LAMB1: variants seen among roughly 807,000 people sequenced by gnomAD.
The protein encoded by LAMB1 is laminin subunit beta-1.
A neutral mutation model predicts 222.3 loss-of-function variants in LAMB1; 121 were observed. That is an observed-to-expected ratio of 0.54 (90% confidence interval 0.47 to 0.63). The LOEUF is 0.63. Among genes scored for constraint, LAMB1 ranks in the 30% least tolerant of loss-of-function variants. The pLI, the probability that LAMB1 is intolerant of heterozygous loss-of-function variation, is 0.00. For synonymous variants in LAMB1, 794 were observed against 807.2 expected, an observed-to-expected ratio of 0.98 and a Z score of 0.28; for missense variants, 2,172 against 2,240.8, an observed-to-expected ratio of 0.97 and a Z score of 0.62.
intron 7 of LAMB1, among the ~76,000 whole-genome samples, chr7:107,982,455 A>G (rs1373063194): frequency 6.6e-6 from 1 of 152,244 alleles, no homozygotes. Context: ...AGAAAGGAAA[A>G]GTCCATGTGT....
rs1415810707 is a variant in LAMB1, at chr7:107,976,971, C to CT, written c.1000+1075dup. 1.6e-5 allele frequency among the ~76,000 whole-genome samples: 2 copies of CT among 126,368 alleles called. 1 individual carries two copies. Among genetic ancestry groups the CT allele is most frequent in the African/African-American group, 6.5e-5 (2 of 30,800 alleles). The allele number at this position is 126,368 out of a possible 152,430, so 82.9% of individuals were successfully genotyped here. A position where few individuals can be genotyped will look rare whatever the true frequency, so the allele number is the denominator to read the frequency against. On this transcript the variant is annotated intron_variant, in intron 9 of 33. Transcript: ENST00000222399. ...TCCCTCCTTCCTTCCTTTCCTCTCC[C>CT]TCCTTCCTTCCTTTCCTCTTCCTCC...
chr7:107,985,666 AT>A (rs1224820869), intron 7 of LAMB1, among the ~76,000 whole-genome samples: 1 of 144,018 alleles, frequency 6.9e-6, no homozygotes, highest in Non-Finnish European at 1.5e-5. Context: ...CAAACAAAAA[AT>A]TTTATTTGGG....
chr7:107,947,646 A>G (rs1388478718), intron 24 of LAMB1, among the ~76,000 whole-genome samples: 1 of 152,204 alleles, frequency 6.6e-6, no homozygotes, highest in African/African-American at 2.4e-5. Context: ...GCTGGCCATG[A>G]ATCAATCCCC....
At chr7:107,980,557 C>T (rs2033951781) in intron 8 of LAMB1, 52 bp downstream of exon 8, 1 of 1,444,744 alleles carries the variant, frequency 6.9e-7, no homozygotes, top group African/African-American at 1.4e-5. Flanking sequence ...CTTCACTTTG[C>T]ATTTTATTAC....
In LAMB1 at chr7:107,923,824, T is replaced by TTAAC. The variant is rs1477341435; in HGVS notation, c.*123_*126dup. On this transcript the variant is annotated 3_prime_UTR_variant, in exon 34 of 34. Coordinates refer to ENST00000222399, the MANE Select transcript of LAMB1 (RefSeq NM_002291.3). Reference sequence around the variant, plus strand: ...TATATACAAAAGCACTGTACTTTATTTAACTCCATACAAAATGTGATTAAA... The same window carrying TTAAC: ...TATATACAAAAGCACTGTACTTTATTTAACTAACTCCATACAAAATGTGATTAAA... 2.3e-6 allele frequency: 2 copies of TTAAC among 882,416 alleles called. No homozygotes were observed. Among genetic ancestry groups the TTAAC allele is most frequent in the East Asian group, 2.7e-5 (1 of 36,420 alleles). The allele number at this position is 882,416 out of a possible 1,614,324, so 54.7% of individuals were successfully genotyped here.
At chr7:107,986,532 C>T (rs1269557822) in intron 5 of LAMB1, among the ~76,000 whole-genome samples, 169 bp from the exon 6 acceptor site, 2 of 152,182 alleles carry the variant, frequency 1.3e-5, no homozygotes, top group East Asian at 1.9e-4. Flanking sequence ...TCCACAGAGA[C>T]TCTTCTTGCA....
intron 24 of LAMB1, among the ~76,000 whole-genome samples, chr7:107,950,175 A>G (rs1445694687): frequency 6.6e-6 from 1 of 152,156 alleles, no homozygotes; most frequent in Non-Finnish European, 1.5e-5. Context: ...GGTTGCAGTA[A>G]GCCGAGATTA....
intron 22 of LAMB1, 119 bp from the exon 23 acceptor site, chr7:107,952,342 G>C (rs921061288): frequency 1.4e-6 from 1 of 724,860 alleles, no homozygotes; most frequent in Non-Finnish European, 2.2e-6. Context: ...GAAATGCAAA[G>C]AAGGAAAGAA....
chr7:107,992,645 C>T (rs2034206659), intron 5 of LAMB1, among the ~76,000 whole-genome samples: 1 of 152,192 alleles, frequency 6.6e-6, no homozygotes, highest in Non-Finnish European at 1.5e-5. Context: ...CCTGTAATCC[C>T]AGCACTTTGG....
intron 18 of LAMB1, 45 bp downstream of exon 18, chr7:107,960,400 C>CA: frequency 6.7e-7 from 1 of 1,492,732 alleles, no homozygotes; most frequent in Non-Finnish European, 9.3e-7. Context: ...CAGATATACT[C>CA]AGAGCCAGAA....
At chr7:107,976,013 G>A (rs1330887296) in intron 9 of LAMB1, 136 bp from the exon 10 acceptor site, 4 of 666,602 alleles carry the variant, frequency 6.0e-6, no homozygotes, top group African/African-American at 1.8e-5. Flanking sequence ...GGACTCCTGG[G>A]GAAAAAGGAC....
Position 107,986,239 on chromosome 7 carries a change from T to A in LAMB1, c.548A>T (p.Lys183Ile). 6.2e-7 allele frequency: 1 copy of A among 1,614,188 alleles called. No individual in the cohort carries two copies. The highest frequency in any genetic ancestry group is 8.5e-7 in the Non-Finnish European group (1 of 1,180,028). ...ATCACAAATTATGTCATCGACTTTTTTCATGGGGCCAGTTGAAATGCCTGG... is the reference window on the plus strand; with the variant it reads ...ATCACAAATTATGTCATCGACTTTTATCATGGGGCCAGTTGAAATGCCTGG... Reference protein sequence around the residue: ...SFPGISTGPMKKVDDIICDSR... With the variant: ...SFPGISTGPMIKVDDIICDSR... Residue 183 changes from lysine to isoleucine, a missense_variant, in exon 6 of 34, where the codon AAA (lysine) becomes ATA (isoleucine). Transcript: ENST00000222399.
intron 18 of LAMB1, 43 bp downstream of exon 18, chr7:107,960,401 AG>A (rs1357016337): frequency 6.7e-7 from 1 of 1,495,486 alleles, no homozygotes; most frequent in African/African-American, 1.4e-5. Flanking sequence ...AGATATACTC[AG>A]AGCCAGAAAC....
chr7:107,923,995 T>G lies in LAMB1; in HGVS notation c.5317A>C (p.Lys1773Gln), dbSNP rs1484316951. 6.2e-7 allele frequency: 1 copy of G among 1,607,160 alleles called. No homozygotes were observed. Among genetic ancestry groups the G allele is most frequent in the South Asian group, 1.1e-5 (1 of 89,288 alleles). Residue 1773 changes from lysine to glutamine, a missense_variant, in exon 34 of 34, where the codon AAG (lysine) becomes CAG (glutamine). Transcript: ENST00000222399. Reference sequence around the variant, plus strand: ...ACAGCAACTTTCTGGCTTATATCCTTTAGGAGTGAACGGACTTCTCCTTCC... The same window carrying G: ...ACAGCAACTTTCTGGCTTATATCCTGTAGGAGTGAACGGACTTCTCCTTCC... ...RLEGEVRSLL[K>Q]DISQKVAVYS...
chr7:107,959,323 G>A lies in LAMB1; in HGVS notation c.2616C>T (p.His872=), dbSNP rs371829890. 179 of 1,614,232 alleles carry A rather than the reference G, an allele frequency of 1.1e-4. No individual in the cohort carries two copies. The highest frequency in any genetic ancestry group is 4.6e-4 in the South Asian group (42 of 91,090). ...CAGTCACTGGGTCGCAGTCATCGGC[G>A]TGGCCATTGCACTGGCAGGGCTGGC... The part of the protein sequence containing the change: ...PSCQPCQCNG[H]ADDCDPVTGE... Residue 872 remains histidine, a synonymous_variant, in exon 20 of 34, where the codon CAC becomes CAT. Transcript: ENST00000222399.
intron 2 of LAMB1, among the ~76,000 whole-genome samples, 158 bp downstream of exon 2, chr7:108,002,691 C>G (rs1223014534): frequency 6.6e-6 from 1 of 152,228 alleles, no homozygotes; most frequent in Admixed American, 6.5e-5. Context: ...CAGCCACCAC[C>G]GAAGCAAGGG....
chr7:107,979,986 T>C (rs982863997), intron 8 of LAMB1, among the ~76,000 whole-genome samples: 1 of 152,178 alleles, frequency 6.6e-6, no homozygotes, highest in African/African-American at 2.4e-5. Context: ...GGTGTGTGGA[T>C]CACTTGAGGT....
Position 107,959,435 on chromosome 7 carries a change from G to A in LAMB1, c.2504C>T (p.Pro835Leu), listed in dbSNP as rs532611294. Residue 835 changes from proline (P) to leucine (L), a missense_variant, in exon 20 of 34, where the codon CCC (proline) becomes CTC (leucine). Physicochemically the swap from Pro to Leu is moderately conservative, Grantham distance 98 (BLOSUM62 -3). Transcript: ENST00000222399. ...GAAACAGTGGCACTGGCCAGTGACG[G>A]GATTGCAGAAGGCATTGACAGATCC... ...LQGSVNAFCN[P>L]VTGQCHCFQG... 13 of 1,614,202 alleles carry A rather than the reference G, an allele frequency of 8.1e-6. No homozygotes were observed. The South Asian group carries it at 1.4e-4, about 18-fold the overall frequency.
At chr7:107,968,900 C>G (rs1234823169) in intron 13 of LAMB1, among the ~76,000 whole-genome samples, 1 of 152,072 alleles carries the variant, frequency 6.6e-6, no homozygotes, top group Non-Finnish European at 1.5e-5. Context: ...TTGTTTTAAA[C>G]AACCAAATTG....
Sources: allele counts gnomAD v4.1 joint callset (sites outside exome capture counted in the v4.1 genomes callset), GRCh38; gene constraint gnomAD v4.1.1; transcripts MANE v1.5; gene names NCBI Gene and HGNC (gene_info 2026-07-23, HGNC 2026-07-21).